Variants in VDAC2 observed in about 807,000 individuals in gnomAD.
VDAC2 encodes non-selective voltage-gated ion channel VDAC2.
VDAC2 carries 6 observed loss-of-function variants against 36.6 expected under a neutral mutation model. The ratio of observed to expected loss-of-function variants is 0.16; its 90% CI spans 0.09 to 0.32. The LOEUF is 0.32. Ranked by LOEUF, VDAC2 falls within the 10% of genes least tolerant of loss-of-function variation. The pLI is 1.00. For synonymous variants in VDAC2, 109 were observed against 123.8 expected (o/e 0.88, Z 0.79); for missense variants, 247 against 346.0 (o/e 0.71, Z 2.27).
chr10:75,222,077 TGTATGG>T (rs1351215660), intron 7 of VDAC2, among the ~76,000 whole-genome samples, 169 bp from the exon 8 acceptor site: 1 of 152,234 alleles, frequency 6.6e-6, no homozygotes, highest in African/African-American at 2.4e-5. Context: ...TACCAATCCC[TGTATGG>T]GTATGGGTTG....
At chr10:75,222,105 C>G in intron 7 of VDAC2, 147 bp from the exon 8 acceptor site, 2 of 794,062 alleles carry the variant, frequency 2.5e-6, no homozygotes, top group Non-Finnish European at 3.9e-6. Flanking sequence ...GGAAAAAAAC[C>G]TGTTAAAACT....
intron 2 of VDAC2, chr10:75,211,797 C>A: frequency 8.9e-7 from 1 of 1,123,626 alleles, no homozygotes; most frequent in Non-Finnish European, 1.3e-6. Context: ...TGGTTTTCCC[C>A]TCAGCGAAGA....
intron 4 of VDAC2, 40 bp from the exon 5 acceptor site, chr10:75,219,023 C>T: frequency 1.3e-6 from 2 of 1,586,440 alleles, no homozygotes; most frequent in East Asian, 4.5e-5. Context: ...GAATTCTAGG[C>T]TTATGAGAAT....
At chr10:75,214,944 G>T (rs1425827307) in intron 4 of VDAC2, among the ~76,000 whole-genome samples, 1 of 152,190 alleles carries the variant, frequency 6.6e-6, no homozygotes, top group Non-Finnish European at 1.5e-5. Flanking sequence ...TCACTCGGTT[G>T]CCCAGGCTGG....
intron 4 of VDAC2, 85 bp from the exon 5 acceptor site, chr10:75,218,978 G>A (rs1297470557): frequency 2.9e-6 from 4 of 1,365,972 alleles, no homozygotes; most frequent in East Asian, 2.3e-5. Context: ...ATGTTTCAGG[G>A]GGTTTGTGTG....
At chr10:75,221,070 A>G (rs1481666382) in intron 7 of VDAC2, 100 bp downstream of exon 7, 2 of 1,249,604 alleles carry the variant, frequency 1.6e-6, no homozygotes, top group South Asian at 1.5e-5. Flanking sequence ...AGGATTTCTC[A>G]TAACATTTAA....
intron 4 of VDAC2, among the ~76,000 whole-genome samples, chr10:75,215,072 C>A (rs1841557551): frequency 6.6e-6 from 1 of 151,980 alleles, no homozygotes; most frequent in South Asian, 2.1e-4. Flanking sequence ...ATCCATCATG[C>A]CTGAGTATTT....
chr10:75,212,844 C>T lies in VDAC2; in HGVS notation c.100+546C>T, dbSNP rs147207054. 2.4e-3 allele frequency among the ~76,000 whole-genome samples: 360 copies of T among 152,244 alleles called. 1 individual carries two copies. The highest frequency in any genetic ancestry group is 6.2e-3 in the South Asian group (30 of 4,830). On this transcript the variant is annotated intron_variant, in intron 3 of 9. Coordinates refer to ENST00000332211, the MANE Select transcript of VDAC2 (RefSeq NM_001391963.1). ...ATTTGAGCCTTTAAGAAAAACGGCTCGTGCTTTAATTTTTTTTCAGTTATA... is the reference window on the plus strand; with the variant it reads ...ATTTGAGCCTTTAAGAAAAACGGCTTGTGCTTTAATTTTTTTTCAGTTATA...
chr10:75,217,217 A>C (rs1841632820), intron 4 of VDAC2, among the ~76,000 whole-genome samples: 1 of 152,214 alleles, frequency 6.6e-6, no homozygotes, highest in South Asian at 2.1e-4. Flanking sequence ...TGACTGTGGC[A>C]CTGTACTCCA....
At chr10:75,229,552 G>T in intron 8 of VDAC2, 92 bp from the exon 9 acceptor site, 1 of 992,112 alleles carries the variant, frequency 1.0e-6, no homozygotes, top group South Asian at 1.6e-5. Context: ...GAATAAAACT[G>T]AACACTTCAT....
chr10:75,225,016 A>G (rs1841915370), intron 8 of VDAC2, among the ~76,000 whole-genome samples: 1 of 152,192 alleles, frequency 6.6e-6, no homozygotes, highest in Non-Finnish European at 1.5e-5. Flanking sequence ...CCATGCTCAT[A>G]CTGCCATATG....
intron 9 of VDAC2, among the ~76,000 whole-genome samples, chr10:75,230,122 G>C (rs1418671887): frequency 2.0e-5 from 3 of 151,956 alleles, no homozygotes; most frequent in Non-Finnish European, 1.5e-5. Context: ...ATTTTGAAGC[G>C]TGCTGTGTCT....
At chr10:75,216,077 T>A (rs1220511652) in intron 4 of VDAC2, among the ~76,000 whole-genome samples, 1 of 152,252 alleles carries the variant, frequency 6.6e-6, no homozygotes, top group African/African-American at 2.4e-5. Context: ...TTGGTTTTTT[T>A]GGTCTGAAAG....
intron 8 of VDAC2, among the ~76,000 whole-genome samples, chr10:75,225,141 A>G (rs1245511574): frequency 6.6e-6 from 1 of 152,214 alleles, no homozygotes; most frequent in African/African-American, 2.4e-5. Context: ...ATACCTATGG[A>G]AAGTGACTGG....
At chr10:75,211,273 C>G in intron 2 of VDAC2, 84 bp downstream of exon 2, 2 of 1,547,908 alleles carry the variant, frequency 1.3e-6, no homozygotes, top group Non-Finnish European at 1.8e-6. Context: ...TTCCCCCTAT[C>G]TTTCCAAGAA....
intron 8 of VDAC2, among the ~76,000 whole-genome samples, chr10:75,224,155 G>A (rs1841893609): frequency 6.6e-6 from 1 of 152,190 alleles, no homozygotes; most frequent in South Asian, 2.1e-4. Flanking sequence ...ATCTGAAGTG[G>A]GAGGAGGGCA....
intron 8 of VDAC2, 95 bp downstream of exon 8, chr10:75,222,497 A>G: frequency 6.7e-7 from 1 of 1,490,470 alleles, no homozygotes; most frequent in South Asian, 1.2e-5. Flanking sequence ...CTGATTTCAC[A>G]CAGTCCCCAG....
chr10:75,226,730 G>A (rs538803298), intron 8 of VDAC2, among the ~76,000 whole-genome samples: 9 of 152,150 alleles, frequency 5.9e-5, no homozygotes, highest in South Asian at 2.1e-4. Context: ...CCAAAGTGCC[G>A]GGGTAACAGG....
At chr10:75,213,938 G>GT (rs985332798) in intron 3 of VDAC2, 83 bp from the exon 4 acceptor site, 4 of 1,359,566 alleles carry the variant, frequency 2.9e-6, no homozygotes, top group African/African-American at 1.5e-5. Flanking sequence ...GAATCTTTTT[G>GT]TTTTTTATGT....
Sources: gnomAD v4.1 joint callset for allele counts (sites outside exome capture counted in the v4.1 genomes callset) on GRCh38, gnomAD v4.1.1 for gene constraint, MANE v1.5 for transcripts, NCBI Gene and HGNC (gene_info 2026-07-23, HGNC 2026-07-21) for gene names.